Variants in CD44 observed in about 807,000 individuals in gnomAD.
CD44 encodes CD44 antigen.
In CD44, 49 loss-of-function variants were observed where a neutral mutation model predicts 88.8. That is an observed-to-expected ratio of 0.55 (90% CI 0.44 to 0.70). The LOEUF (loss-of-function observed/expected upper bound fraction) is 0.70. Among genes scored for constraint, CD44 ranks in the 30% least tolerant of loss-of-function variants. The pLI is 0.00. For synonymous variants in CD44, 325 were observed against 312.3 expected (o/e 1.04, Z -0.43); for missense variants, 883 against 913.8 (o/e 0.97, Z 0.43).
chr11:35,196,945 G>T (rs1257978507), intron 6 of CD44, 71 bp downstream of exon 6: 4 of 1,518,910 alleles, frequency 2.6e-6, no homozygotes, highest in East Asian at 4.6e-5. Flanking sequence ...TGACCTCTGG[G>T]ATGTTATTAA....
chr11:35,147,684 C>T (rs1859441646), intron 1 of CD44, among the ~76,000 whole-genome samples: 1 of 151,908 alleles, frequency 6.6e-6, no homozygotes, highest in Admixed American at 6.6e-5. Flanking sequence ...CTAGGAGGAT[C>T]CACACACCAA....
chr11:35,146,223 G>A (rs1859131933), intron 1 of CD44, among the ~76,000 whole-genome samples: 1 of 152,180 alleles, frequency 6.6e-6, no homozygotes, highest in African/African-American at 2.4e-5. Flanking sequence ...CACCAAGGAG[G>A]TGATTTGCAA....
Position 35,226,478 on chromosome 11 carries a change from A to T in CD44, c.2025-2651A>T, listed in dbSNP as rs143259311. On this transcript the variant is annotated intron_variant, in intron 17 of 17. Coordinates refer to ENST00000428726, the MANE Select transcript of CD44 (RefSeq NM_000610.4). ...TTTTAAATCCTCTTCATAGTAAATA[A>T]TAACGAGGTAGGTGGAGGCAGCCAG... Among the ~76,000 whole-genome samples the T allele has an allele frequency of 2.1e-3, 318 of 152,342 alleles. 1 individual carries two copies. Among genetic ancestry groups the T allele is most frequent in the African/African-American group, 7.6e-3 (315 of 41,576 alleles).
chr11:35,197,311 C>G (rs1364443211), intron 6 of CD44: 1 of 153,852 alleles, frequency 6.5e-6, no homozygotes, highest in Non-Finnish European at 1.4e-5. Flanking sequence ...TATGAAAAGA[C>G]AAATGCTCAT....
chr11:35,201,806 G>T lies in CD44; in HGVS notation c.1153+19G>T. ...AGCACAAGTAAGCAAGATGGCGGTC[G>T]GCAGTTCTGGGTTAGATGAATTAGT... On this transcript the variant is annotated intron_variant, in intron 9 of 17. Coordinates refer to ENST00000428726, the MANE Select transcript of CD44 (RefSeq NM_000610.4). 6.2e-7 allele frequency: 1 copy of T among 1,612,708 alleles called. No individual in the cohort carries two copies. The highest frequency in any genetic ancestry group is 1.1e-5 in the South Asian group (1 of 90,990).
chr11:35,201,874 C>G lies in CD44; in HGVS notation c.1153+87C>G. The G allele has an allele frequency of 2.2e-6, 3 of 1,358,954 alleles. 1 individual carries two copies. In the South Asian group the frequency reaches 3.8e-5, roughly 17 times the overall value. 84.2% of individuals were successfully genotyped at this position (1,358,954 alleles called of 1,614,324 possible). A position where few individuals can be genotyped will look rare whatever the true frequency, so the allele number is the denominator to read the frequency against. The stretch of plus-strand genomic sequence containing the variant: ...AGGGAAGATTTTGTTTAGAAATTGG[C>G]CGCATCTTCTATTTCCACTCGGTAA... On this transcript the variant is annotated intron_variant, in intron 9 of 17. Transcript: ENST00000428726.
At chr11:35,145,239 T>C (rs1858885399) in intron 1 of CD44, among the ~76,000 whole-genome samples, 2 of 152,252 alleles carry the variant, frequency 1.3e-5, no homozygotes, top group South Asian at 4.1e-4. Flanking sequence ...TTCATTTTTG[T>C]GGGCCCAGAT....
chr11:35,230,393 T>A lies in CD44; in HGVS notation c.*1060T>A, dbSNP rs753621737. On this transcript the variant is annotated 3_prime_UTR_variant, in exon 18 of 18. Transcript: ENST00000428726. ...GACCTGTTATCCCTGGGGCCCTATT[T>A]CATAGAGGCTGGCCCTATTAGTGAT... The A allele has an allele frequency of 6.6e-6, 1 of 152,220 alleles. No homozygotes were observed. Among genetic ancestry groups the A allele is most frequent in the Non-Finnish European group, 1.5e-5 (1 of 68,032 alleles). 9.4% of individuals were successfully genotyped at this position (152,220 alleles called of 1,614,324 possible).
intron 1 of CD44, among the ~76,000 whole-genome samples, chr11:35,173,914 G>A (rs1944178673): frequency 6.6e-6 from 1 of 152,192 alleles, no homozygotes; most frequent in African/African-American, 2.4e-5. Context: ...GGGTTTGGGT[G>A]GTAAACAGGT....
intron 1 of CD44, among the ~76,000 whole-genome samples, chr11:35,168,546 T>C (rs907934492): frequency 6.6e-6 from 1 of 152,186 alleles, no homozygotes; most frequent in Non-Finnish European, 1.5e-5. Context: ...TAGAACACCA[T>C]TGAGTAGCAG....
intron 4 of CD44, among the ~76,000 whole-genome samples, chr11:35,188,877 G>A (rs1174733967): frequency 1.3e-5 from 2 of 151,972 alleles, no homozygotes; most frequent in Non-Finnish European, 2.9e-5. Flanking sequence ...GGCGGAGGCT[G>A]CTGCACACTG....
intron 1 of CD44, among the ~76,000 whole-genome samples, chr11:35,155,592 A>G (rs1039587058): frequency 6.6e-6 from 1 of 152,222 alleles, no homozygotes; most frequent in Non-Finnish European, 1.5e-5. Flanking sequence ...AAAGAGAATT[A>G]TATCAGGGAA....
chr11:35,228,679 T>C (rs2134472890), intron 17 of CD44, among the ~76,000 whole-genome samples: 1 of 152,352 alleles, frequency 6.6e-6, no homozygotes, highest in South Asian at 2.1e-4. Flanking sequence ...CCAAGGTTTC[T>C]TCACTTGGAA....
chr11:35,226,339 C>G (rs1051209761), intron 17 of CD44, among the ~76,000 whole-genome samples: 1 of 152,176 alleles, frequency 6.6e-6, no homozygotes, highest in Non-Finnish European at 1.5e-5. Context: ...CATTCCATCC[C>G]TCAACCACCC....
chr11:35,162,482 G>T (rs1942753359), intron 1 of CD44, among the ~76,000 whole-genome samples: 1 of 152,186 alleles, frequency 6.6e-6, no homozygotes, highest in Admixed American at 6.5e-5. Flanking sequence ...AGTTATGTTT[G>T]GCCTGCTTCA....
intron 11 of CD44, among the ~76,000 whole-genome samples, chr11:35,206,635 T>A (rs1947868965): frequency 7.2e-6 from 1 of 138,850 alleles, no homozygotes; most frequent in South Asian, 2.4e-4. Flanking sequence ...AAACCCTGGA[T>A]AGTCAGAGAA....
intron 9 of CD44, among the ~76,000 whole-genome samples, chr11:35,203,341 T>C (rs1402068947): frequency 6.6e-6 from 1 of 152,228 alleles, no homozygotes; most frequent in Admixed American, 6.5e-5. Context: ...ATACACTTCC[T>C]TATTTCTTTT....
At chr11:35,143,035 G>A (rs1421967589) in intron 1 of CD44, among the ~76,000 whole-genome samples, 1 of 152,052 alleles carries the variant, frequency 6.6e-6, no homozygotes, top group Non-Finnish European at 1.5e-5. Context: ...GGGTGGGGAG[G>A]GTGTGGTCTA....
chr11:35,161,909 A>T (rs560175157), intron 1 of CD44, among the ~76,000 whole-genome samples: 1 of 152,318 alleles, frequency 6.6e-6, no homozygotes, highest in Non-Finnish European at 1.5e-5. Context: ...AAATGTGTCC[A>T]TGAGTTCATA....
Sources: allele counts gnomAD v4.1 joint callset (sites outside exome capture counted in the v4.1 genomes callset), GRCh38; gene constraint gnomAD v4.1.1; transcripts MANE v1.5; gene names NCBI Gene and HGNC (gene_info 2026-07-23, HGNC 2026-07-21).